The following IL5 variants were observed in gnomAD, a reference collection of about 807,000 sequenced individuals.
The protein encoded by IL5 is interleukin 5.
IL5 carries 12 observed loss-of-function variants against 16.3 expected under a neutral mutation model. The observed-to-expected ratio is 0.74, with a 90% CI of 0.47 to 1.20. IL5 has a LOEUF of 1.20. Ranked by LOEUF, IL5 falls within the 50% of genes most tolerant of loss-of-function variation. The pLI is 0.00. For synonymous variants in IL5, 54 were observed against 56.6 expected (o/e 0.95, Z 0.21); for missense variants, 159 against 153.9 (o/e 1.03, Z -0.17).
At chr5:132,555,657 C>T (rs185686008) in intron 1 of IL5, among the ~76,000 whole-genome samples, 15 of 152,222 alleles carry the variant, frequency 9.9e-5, no homozygotes, top group African/African-American at 3.1e-4. Context: ...CTGGGACCAT[C>T]GGCGCCTGCC....
At chr5:132,555,701 G>C (rs1029225862) in intron 1 of IL5, among the ~76,000 whole-genome samples, 1 of 152,162 alleles carries the variant, frequency 6.6e-6, no homozygotes, top group Non-Finnish European at 1.5e-5. Flanking sequence ...GTTTTCAGTA[G>C]AGACGGGGTT....
upstream of IL5, among the ~76,000 whole-genome samples, chr5:132,544,563 G>A (rs1400701652): frequency 6.6e-6 from 1 of 152,188 alleles, no homozygotes. Flanking sequence ...CCTTGGGCGG[G>A]CCATGAAATT....
chr5:132,547,173 T>C (rs1480807081), upstream of IL5, among the ~76,000 whole-genome samples: 1 of 152,192 alleles, frequency 6.6e-6, no homozygotes, highest in Non-Finnish European at 1.5e-5. Flanking sequence ...GAGTGGGATA[T>C]ACAGAGTGAC....
chr5:132,542,504 A>G (rs1485097493), intron 2 of IL5, among the ~76,000 whole-genome samples: 1 of 152,178 alleles, frequency 6.6e-6, no homozygotes, highest in African/African-American at 2.4e-5. Flanking sequence ...AATGTTTTGG[A>G]AGTGTAATGC....
upstream of IL5, among the ~76,000 whole-genome samples, chr5:132,547,527 G>A (rs1023999546): frequency 3.9e-5 from 6 of 152,158 alleles, no homozygotes; most frequent in African/African-American, 1.4e-4. Flanking sequence ...TCTAAGAGAC[G>A]TGATGACTAC....
chr5:132,547,175 C>T (rs1200011027), upstream of IL5, among the ~76,000 whole-genome samples: 1 of 152,078 alleles, frequency 6.6e-6, no homozygotes, highest in African/African-American at 2.4e-5. Context: ...GTGGGATATA[C>T]AGAGTGACTT....
chr5:132,555,270 A>C (rs1438748187), intron 1 of IL5, among the ~76,000 whole-genome samples: 1 of 152,208 alleles, frequency 6.6e-6, no homozygotes, highest in Non-Finnish European at 1.5e-5. Context: ...TGAGGACATT[A>C]TAAGTGAAAT....
At chr5:132,541,935 G>T (rs369671503) in intron 3 of IL5, 26 bp from the exon 4 acceptor site, 35 of 1,610,222 alleles carry the variant, frequency 2.2e-5, no homozygotes, top group African/African-American at 4.0e-5. Flanking sequence ...AATGACAATA[G>T]GTATTACAGG....
At chr5:132,549,104 AGAGGGCAGTG>A (rs1749841802) in intron 1 of IL5, among the ~76,000 whole-genome samples, 1 of 152,096 alleles carries the variant, frequency 6.6e-6, no homozygotes, top group Non-Finnish European at 1.5e-5. Context: ...CACCCAGGCT[AGAGGGCAGTG>A]GTGCAATCTC....
intron 2 of IL5, among the ~76,000 whole-genome samples, chr5:132,542,685 A>G (rs538036786): frequency 6.6e-6 from 1 of 152,326 alleles, no homozygotes; most frequent in Admixed American, 6.5e-5. Context: ...AATTATTAAT[A>G]TAGGGCATTT....
intron 1 of IL5, among the ~76,000 whole-genome samples, chr5:132,551,210 G>A (rs923809841): frequency 2.6e-5 from 4 of 152,144 alleles, no homozygotes; most frequent in Admixed American, 2.6e-4. Context: ...AAATTTACCA[G>A]CAATCACAGT....
chr5:132,542,163 A>T lies in IL5; in HGVS notation c.178-20T>A. ...TTGGTGCTAAATGAGGAAAATTTTT[A>T]AAATGCAAATAATCAAGACAAGGTA... is the stretch of plus-strand genomic sequence containing the variant. On this transcript the variant is annotated intron_variant, in intron 2 of 3. Coordinates refer to ENST00000231454, the MANE Select transcript of IL5 (RefSeq NM_000879.3). 1 of 1,598,466 alleles carries T rather than the reference A, an allele frequency of 6.3e-7. No individual in the cohort carries two copies. Among genetic ancestry groups the T allele is most frequent in the Non-Finnish European group, 8.5e-7 (1 of 1,174,364 alleles).
At chr5:132,546,461 G>A (rs1340010758), upstream of IL5, among the ~76,000 whole-genome samples, 1 of 152,078 alleles carries the variant, frequency 6.6e-6, no homozygotes, top group African/African-American at 2.4e-5. Flanking sequence ...ATTCATCCAT[G>A]TTGTAGCATG....
chr5:132,543,539 C>A, upstream of IL5: 1 of 1,505,798 alleles, frequency 6.6e-7, no homozygotes. Context: ...AGACTGCGTC[C>A]CCAGTCAATT....
chr5:132,549,506 G>A (rs909778705), intron 1 of IL5, among the ~76,000 whole-genome samples: 1 of 152,130 alleles, frequency 6.6e-6, no homozygotes, highest in Non-Finnish European at 1.5e-5. Context: ...TAAAATCCAC[G>A]TTATTTTAGG....
In IL5 at chr5:132,541,771, T is replaced by G. The variant is rs200664499; in HGVS notation, c.*40A>C. The G allele has an allele frequency of 4.4e-5, 59 of 1,341,652 alleles. No individual in the cohort carries two copies. Among genetic ancestry groups the G allele is most frequent in the Non-Finnish European group, 5.8e-5 (54 of 938,028 alleles). 83.1% of individuals were successfully genotyped at this position (1,341,652 alleles called of 1,614,324 possible). On this transcript the variant is annotated 3_prime_UTR_variant, in exon 4 of 4. Coordinates refer to ENST00000231454, the MANE Select transcript of IL5 (RefSeq NM_000879.3). The stretch of plus-strand genomic sequence containing the variant: ...CATTCTCACTGCAGTAAAATGTCCT[T>G]CTCCTCCAAAATCTTTGGCTGCAAC...
chr5:132,552,292 AAC>A (rs1406308884), intron 1 of IL5, among the ~76,000 whole-genome samples: 1 of 151,996 alleles, frequency 6.6e-6, no homozygotes, highest in Non-Finnish European at 1.5e-5. Flanking sequence ...CAACAACAAC[AAC>A]AAAAAACAAA....
chr5:132,542,181 A>G, intron 2 of IL5, 38 bp from the exon 3 acceptor site: 1 of 1,582,720 alleles, frequency 6.3e-7, no homozygotes, highest in South Asian at 1.1e-5. Flanking sequence ...AATAATCAAG[A>G]CAAGGTATAA....
chr5:132,541,813 A>G lies in IL5; in HGVS notation c.403T>C (p.Ter135ArgextTer2). Reference protein sequence around the residue: ...VMNTEWIIES* With the variant: ...VMNTEWIIESR ...GGCTGCAACAAACCAGTTTAGTCTC[A>G]ACTTTCTATTATCCACTCGGTGTTC... The change falls in exon 4 of 4, where the codon TGA (stop) becomes CGA (arginine). Residue 135 changes from the stop codon to arginine (R), a stop_lost. Coordinates refer to ENST00000231454, the MANE Select transcript of IL5 (RefSeq NM_000879.3). 1 of 1,607,334 alleles carries G rather than the reference A, an allele frequency of 6.2e-7. No homozygotes were observed. The highest frequency in any genetic ancestry group is 1.1e-5 in the South Asian group (1 of 90,386).
Sources: allele counts gnomAD v4.1 joint callset (sites outside exome capture counted in the v4.1 genomes callset), GRCh38; gene constraint gnomAD v4.1.1; transcripts MANE v1.5; gene names NCBI Gene and HGNC (gene_info 2026-07-23, HGNC 2026-07-21).